DSCAM: variants seen among roughly 807,000 people sequenced by gnomAD.
The protein encoded by DSCAM is cell adhesion molecule DSCAM.
DSCAM carries 47 observed loss-of-function variants against 217.7 expected under a neutral mutation model. The observed-to-expected ratio is 0.22, with a 90% CI of 0.17 to 0.28. The LOEUF is 0.28. Ranked by LOEUF, DSCAM falls within the 10% of genes least tolerant of loss-of-function variation. The pLI is 1.00. For missense variants in DSCAM, 2,080 were observed against 2,618.3 expected (o/e 0.79, Z 4.49); for synonymous variants, 1,056 against 1,015.3 (o/e 1.04, Z -0.76).
intron 1 of DSCAM, among the ~76,000 whole-genome samples, chr21:40,765,705 T>C (rs761904555): frequency 1.3e-5 from 2 of 152,164 alleles, no homozygotes; most frequent in Non-Finnish European, 2.9e-5. Flanking sequence ...CAGGGACATT[T>C]TGCTAGTAAG....
intron 8 of DSCAM, among the ~76,000 whole-genome samples, chr21:40,332,190 ATGT>A (rs1386544752): frequency 6.6e-6 from 1 of 152,062 alleles, no homozygotes; most frequent in Non-Finnish European, 1.5e-5. Flanking sequence ...ACATTTTAAC[ATGT>A]TGTCTGTCTT....
At chr21:40,765,868 T>C (rs1254882129) in intron 1 of DSCAM, among the ~76,000 whole-genome samples, 1 of 152,178 alleles carries the variant, frequency 6.6e-6, no homozygotes, top group Non-Finnish European at 1.5e-5. Context: ...CCAGATCCCC[T>C]GAATTCTCAT....
intron 3 of DSCAM, among the ~76,000 whole-genome samples, chr21:40,446,977 G>A (rs1413888041): frequency 6.6e-6 from 1 of 152,162 alleles, no homozygotes; most frequent in African/African-American, 2.4e-5. Context: ...CTCCTCTACT[G>A]ATGAGGTAGC....
intron 27 of DSCAM, among the ~76,000 whole-genome samples, chr21:40,073,462 C>T (rs1480652931): frequency 6.6e-6 from 1 of 152,096 alleles, no homozygotes; most frequent in Non-Finnish European, 1.5e-5. Flanking sequence ...AAAGTCCAGG[C>T]CACTGTGAAC....
chr21:40,731,012 ATTTAC>A (rs1435589922), intron 1 of DSCAM, among the ~76,000 whole-genome samples: 1 of 152,174 alleles, frequency 6.6e-6, no homozygotes, highest in Non-Finnish European at 1.5e-5. Context: ...AAACAAAATA[ATTTAC>A]ATATTTATTG....
intron 3 of DSCAM, among the ~76,000 whole-genome samples, chr21:40,578,052 T>TA (rs1355875566): frequency 6.6e-6 from 1 of 152,124 alleles, no homozygotes; most frequent in Non-Finnish European, 1.5e-5. Context: ...ACAGAGTTAG[T>TA]AAAAACAAAG....
At chr21:40,704,276 G>A (rs1396456728) in intron 2 of DSCAM, among the ~76,000 whole-genome samples, 1 of 152,010 alleles carries the variant, frequency 6.6e-6, no homozygotes, top group Non-Finnish European at 1.5e-5. Context: ...TAGGTGGAAG[G>A]GTATACTATG....
chr21:40,598,496 T>A (rs1244050341), intron 3 of DSCAM, among the ~76,000 whole-genome samples: 2 of 122,846 alleles, frequency 1.6e-5, no homozygotes, highest in Admixed American at 9.4e-5. Flanking sequence ...ACTGCCAAAC[T>A]GTTTTTTTTT....
intron 11 of DSCAM, among the ~76,000 whole-genome samples, chr21:40,206,187 T>C (rs2091123531): frequency 6.6e-6 from 1 of 152,218 alleles, no homozygotes; most frequent in Non-Finnish European, 1.5e-5. Flanking sequence ...TGTGAGTCTG[T>C]GTGTGCCTGT....
chr21:40,137,584 G>T (rs2090226334), intron 18 of DSCAM, among the ~76,000 whole-genome samples: 1 of 140,396 alleles, frequency 7.1e-6, no homozygotes, highest in South Asian at 2.4e-4. Context: ...GCCTCTGTAG[G>T]GCTGTTTAAT....
intron 1 of DSCAM, among the ~76,000 whole-genome samples, chr21:40,788,456 C>A (rs2091612028): frequency 1.3e-5 from 2 of 152,148 alleles, no homozygotes; most frequent in Non-Finnish European, 2.9e-5. Flanking sequence ...TCTCAGCCAT[C>A]CCAGTCACAA....
chr21:40,788,489 T>C (rs1422402767), intron 1 of DSCAM, among the ~76,000 whole-genome samples: 1 of 152,234 alleles, frequency 6.6e-6, no homozygotes, highest in Non-Finnish European at 1.5e-5. Flanking sequence ...CATGGCCTCC[T>C]CAGTAGAAAC....
chr21:40,461,854 T>G (rs1281501738), intron 3 of DSCAM, among the ~76,000 whole-genome samples: 3 of 152,096 alleles, frequency 2.0e-5, no homozygotes, highest in East Asian at 1.9e-4. Flanking sequence ...CTGCAAGTTG[T>G]CTCAAAAAGC....
At chr21:40,296,017 T>C (rs1278153964) in intron 10 of DSCAM, 38 bp downstream of exon 10, 1 of 1,599,432 alleles carries the variant, frequency 6.3e-7, no homozygotes, top group African/African-American at 1.3e-5. Context: ...ACATAGCAAA[T>C]GTTTGACAGG....
intron 3 of DSCAM, among the ~76,000 whole-genome samples, chr21:40,587,083 CAACA>C (rs1340095533): frequency 2.3e-5 from 3 of 128,672 alleles, no homozygotes; most frequent in Non-Finnish European, 5.2e-5. Context: ...ATCTTGTGAT[CAACA>C]AACATACAAA....
intron 32 of DSCAM, among the ~76,000 whole-genome samples, chr21:40,039,752 T>C (rs192110301): frequency 5.8e-4 from 89 of 152,326 alleles, no homozygotes; most frequent in African/African-American, 2.1e-3. Flanking sequence ...GCCAAATTCA[T>C]GTAACTTGAT....
intron 19 of DSCAM, among the ~76,000 whole-genome samples, chr21:40,132,672 G>A (rs2090165758): frequency 6.6e-6 from 1 of 152,224 alleles, no homozygotes; most frequent in Non-Finnish European, 1.5e-5. Context: ...GGGCTGCTCG[G>A]AGGAGCAAGG....
At chr21:40,806,584 G>A (rs1423888339) in intron 1 of DSCAM, among the ~76,000 whole-genome samples, 3 of 152,168 alleles carry the variant, frequency 2.0e-5, no homozygotes, top group African/African-American at 4.8e-5. Flanking sequence ...AAAAAATTGT[G>A]AATGCTACAA....
chr21:40,143,790 CA>C (rs577322243), intron 17 of DSCAM, among the ~76,000 whole-genome samples: 2 of 151,324 alleles, frequency 1.3e-5, no homozygotes, highest in African/African-American at 2.4e-5. Context: ...GACTCCGTCT[CA>C]AAAAAAAATC....
Sources: gnomAD v4.1 joint callset for allele counts (sites outside exome capture counted in the v4.1 genomes callset) on GRCh38, gnomAD v4.1.1 for gene constraint, MANE v1.5 for transcripts, NCBI Gene and HGNC (gene_info 2026-07-23, HGNC 2026-07-21) for gene names.